Variants in KCTD8 observed in about 807,000 individuals in gnomAD.
KCTD8 encodes the protein BTB/POZ domain-containing protein KCTD8.
In KCTD8, 27 loss-of-function variants were observed where a neutral mutation model predicts 31.5. The ratio of observed to expected loss-of-function variants is 0.86; its 90% CI spans 0.63 to 1.18. The LOEUF is 1.18. Among genes scored for constraint, KCTD8 ranks in the 50% most tolerant of loss-of-function variants. The probability of loss-of-function intolerance (pLI) is 0.00; values close to 1 mark genes in which losing one functional copy is unlikely to be tolerated. For synonymous variants in KCTD8, 290 were observed against 280.0 expected, an observed-to-expected ratio of 1.04 and a Z score of -0.36; for missense variants, 658 against 647.7, an observed-to-expected ratio of 1.02 and a Z score of -0.17.
intron 1 of KCTD8, among the ~76,000 whole-genome samples, chr4:44,404,468 C>G (rs1159113549): frequency 1.3e-5 from 2 of 152,174 alleles, no homozygotes; most frequent in Admixed American, 1.3e-4. Flanking sequence ...AAGAGAACAA[C>G]TAAATATGAC....
At chr4:44,334,415 G>GTT (rs5857954) in intron 1 of KCTD8, among the ~76,000 whole-genome samples, 38 of 151,672 alleles carry the variant, frequency 2.5e-4, no homozygotes, top group African/African-American at 8.5e-4. Flanking sequence ...ATCCTCGCTA[G>GTT]TTTTTTTATG....
chr4:44,398,484 G>A (rs547134839), intron 1 of KCTD8, among the ~76,000 whole-genome samples: 20 of 152,316 alleles, frequency 1.3e-4, no homozygotes, highest in Admixed American at 9.8e-4. Flanking sequence ...TATTCATAAA[G>A]CATCCACTGT....
Position 44,448,158 on chromosome 4 carries a change from C to G in KCTD8, c.366G>C (p.Glu122Asp). The G allele has an allele frequency of 6.2e-7, 1 of 1,612,606 alleles. No homozygotes were observed. Among genetic ancestry groups the G allele is most frequent in the Non-Finnish European group, 8.5e-7 (1 of 1,179,786 alleles). Reference sequence around the variant, plus strand: ...GCAGCCGCTCCTTCTCGGGGAAGTGCTCCGGCAGCGCGAGTTGCTTGTCCC... The same window carrying G: ...GCAGCCGCTCCTTCTCGGGGAAGTGGTCCGGCAGCGCGAGTTGCTTGTCCC... ...YLRDKQLALP[E>D]HFPEKERLLR... Residue 122 changes from glutamate to aspartate, a missense_variant, in exon 1 of 2, where the codon GAG becomes GAC. Transcript: ENST00000360029. This position sits in a 1 kb window ranked among gnomAD's most constrained non-coding sequence, Gnocchi z 4.1.
chr4:44,186,448 C>T (rs1713589865), intron 1 of KCTD8, among the ~76,000 whole-genome samples: 1 of 152,216 alleles, frequency 6.6e-6, no homozygotes, highest in South Asian at 2.1e-4. Context: ...AAGGCAAGAA[C>T]ACTGGGATAC....
chr4:44,329,074 T>C (rs1718525944), intron 1 of KCTD8, among the ~76,000 whole-genome samples: 1 of 151,890 alleles, frequency 6.6e-6, no homozygotes, highest in African/African-American at 2.4e-5. Context: ...AGGAGTGTTC[T>C]TTTTAGAATA....
chr4:44,430,961 A>G (rs547928720), intron 1 of KCTD8, among the ~76,000 whole-genome samples: 11 of 151,356 alleles, frequency 7.3e-5, no homozygotes, highest in Non-Finnish European at 1.6e-4. Context: ...GATTAATTAC[A>G]CAGAATATTT....
chr4:44,184,025 C>T (rs941575452), intron 1 of KCTD8, among the ~76,000 whole-genome samples: 9 of 152,166 alleles, frequency 5.9e-5, no homozygotes, highest in Non-Finnish European at 8.8e-5. Flanking sequence ...TGAGCACCTA[C>T]TATATATAAG....
At chr4:44,272,330 C>T (rs1052151503) in intron 1 of KCTD8, among the ~76,000 whole-genome samples, 2 of 151,122 alleles carry the variant, frequency 1.3e-5, no homozygotes, top group South Asian at 2.1e-4. Context: ...AACAAATAAG[C>T]AAAAAAATTT....
chr4:44,208,744 C>T (rs189905408), intron 1 of KCTD8, among the ~76,000 whole-genome samples: 4 of 152,124 alleles, frequency 2.6e-5, no homozygotes, highest in African/African-American at 7.2e-5. Flanking sequence ...GGAATCTCCC[C>T]TACCTATAGA....
chr4:44,366,945 A>G (rs989461601), intron 1 of KCTD8, among the ~76,000 whole-genome samples: 4 of 152,100 alleles, frequency 2.6e-5, no homozygotes, highest in Non-Finnish European at 5.9e-5. Flanking sequence ...ATGAGTTCCC[A>G]TTGCTGTTAT....
chr4:44,319,893 C>T (rs1311122998), intron 1 of KCTD8, among the ~76,000 whole-genome samples: 1 of 151,932 alleles, frequency 6.6e-6, no homozygotes. Context: ...GATTCTAGGC[C>T]GGGCGCAGTG....
intron 1 of KCTD8, among the ~76,000 whole-genome samples, chr4:44,312,105 T>C (rs755180477): frequency 1.2e-4 from 18 of 152,236 alleles, no homozygotes; most frequent in Non-Finnish European, 2.1e-4. Flanking sequence ...TGGGGAAAGG[T>C]ATATGTCTTT....
At chr4:44,368,658 A>C (rs1719702630) in intron 1 of KCTD8, among the ~76,000 whole-genome samples, 1 of 152,176 alleles carries the variant, frequency 6.6e-6, no homozygotes, top group South Asian at 2.1e-4. Flanking sequence ...TTTGAGGAGA[A>C]AAGCTGTTAT....
chr4:44,445,060 G>A (rs200065625), intron 1 of KCTD8, among the ~76,000 whole-genome samples: 11 of 152,202 alleles, frequency 7.2e-5, no homozygotes, highest in African/African-American at 1.7e-4. Flanking sequence ...GAGTAACACC[G>A]ATAATCTTTT....
chr4:44,314,119 T>TCA (rs1347006876), intron 1 of KCTD8, among the ~76,000 whole-genome samples: 1 of 152,190 alleles, frequency 6.6e-6, no homozygotes, highest in Non-Finnish European at 1.5e-5. Flanking sequence ...ATATTCTCAG[T>TCA]CATGAAGATG....
chr4:44,307,120 A>C (rs1460213939), intron 1 of KCTD8, among the ~76,000 whole-genome samples: 1 of 152,030 alleles, frequency 6.6e-6, no homozygotes, highest in Non-Finnish European at 1.5e-5. Flanking sequence ...AAGATATTTT[A>C]TTAGGAGGTA....
chr4:44,231,378 A>C (rs1203434292), intron 1 of KCTD8, among the ~76,000 whole-genome samples: 1 of 152,210 alleles, frequency 6.6e-6, no homozygotes, highest in Admixed American at 6.5e-5. Context: ...GTTGATGCAA[A>C]GCATTCAACT....
chr4:44,328,954 A>T (rs1490451), intron 1 of KCTD8, among the ~76,000 whole-genome samples: 76,977 of 151,518 alleles, frequency 0.51, 20,299 homozygotes, highest in African/African-American at 0.63. Context: ...ACCGTGCAAG[A>T]TACTTACTCT....
At chr4:44,270,770 A>G (rs1330947960) in intron 1 of KCTD8, among the ~76,000 whole-genome samples, 1 of 152,130 alleles carries the variant, frequency 6.6e-6, no homozygotes, top group Non-Finnish European at 1.5e-5. Flanking sequence ...GATATACGTT[A>G]TTGATGCTTA....
Sources: allele counts gnomAD v4.1 joint callset (sites outside exome capture counted in the v4.1 genomes callset), GRCh38; gene constraint gnomAD v4.1.1; non-coding constraint Gnocchi (gnomAD v3.1); transcripts MANE v1.5; gene names NCBI Gene and HGNC (gene_info 2026-07-23, HGNC 2026-07-21).